SPEG: variants seen among roughly 807,000 people sequenced by gnomAD.
SPEG encodes the protein striated muscle preferentially expressed protein kinase.
SPEG carries 114 observed loss-of-function variants against 300.4 expected under a neutral mutation model. The observed-to-expected ratio is 0.38, with a 90% CI of 0.33 to 0.44. The LOEUF (loss-of-function observed/expected upper bound fraction) is 0.44, where lower values mean the gene tolerates loss of function less well. SPEG is among the 20% of genes least tolerant of loss of function. The probability of loss-of-function intolerance (pLI) is 1.00; values close to 1 mark genes in which losing one functional copy is unlikely to be tolerated. For missense variants in SPEG, 4,201 were observed against 4,586.2 expected (o/e 0.92, Z 2.43); for synonymous variants, 1,964 against 2,018.9 (o/e 0.97, Z 0.73).
intron 6 of SPEG, among the ~76,000 whole-genome samples, chr2:219,455,635 C>A (rs1288351726): frequency 6.6e-6 from 1 of 152,188 alleles, no homozygotes; most frequent in Non-Finnish European, 1.5e-5. Context: ...ATCCCACCCC[C>A]CTTTCCTGTT....
In SPEG at chr2:219,449,063, G is replaced by A. The variant is rs1172962709; in HGVS notation, c.1905G>A (p.Ala635=). ...APPGRKREPP[A]QAVRFLPWAT... is the part of the protein sequence containing the mutation. ...CCGGTCGGAAGCGGGAGCCCCCGGC[G>A]CAGGCCGTGCGCTTCCTGCCCTGGG... Residue 635 remains alanine, a synonymous_variant, in exon 4 of 41, where the codon GCG becomes GCA. Transcript: ENST00000312358. 1.3e-6 allele frequency: 2 copies of A among 1,517,812 alleles called. No individual in the cohort carries two copies. Among genetic ancestry groups the A allele is most frequent in the Admixed American group, 2.1e-5 (1 of 47,954 alleles). The allele number at this position is 1,517,812 out of a possible 1,614,324, so 94.0% of individuals were successfully genotyped here. A position where few individuals can be genotyped will look rare whatever the true frequency, so the allele number is the denominator to read the frequency against.
rs976578207 is a variant in SPEG, at chr2:219,493,235, G to A, written c.*449G>A. On this transcript the variant is annotated 3_prime_UTR_variant, in exon 41 of 41. Transcript: ENST00000312358. The stretch of plus-strand genomic sequence containing the variant: ...GAGTCAGTGTGGCAAAGCGGGGGCA[G>A]GACACAGATACAGTGGCAGGGGCCC... The A allele has an allele frequency of 2.7e-6, 1 of 366,254 alleles. No individual in the cohort carries two copies. The highest frequency in any genetic ancestry group is 5.4e-6 in the Non-Finnish European group (1 of 186,532). The allele number at this position is 366,254 out of a possible 1,614,324, so 22.7% of individuals were successfully genotyped here. A position where few individuals can be genotyped will look rare whatever the true frequency, so the allele number is the denominator to read the frequency against.
Position 219,473,753 on chromosome 2 carries a change from C to T in SPEG, c.4297C>T (p.Arg1433Trp), listed in dbSNP as rs565767040. 30 of 1,613,762 alleles carry T rather than the reference C, an allele frequency of 1.9e-5. No homozygotes were observed. The highest frequency in any genetic ancestry group is 1.6e-4 in the Middle Eastern group (1 of 6,062). The change falls in exon 18 of 41, where the codon CGG (arginine) becomes TGG (tryptophan). Residue 1433 changes from arginine to tryptophan, a missense_variant. Physicochemically the swap from Arg to Trp is moderately radical, Grantham distance 101. Transcript: ENST00000312358. The surrounding 1 kb of genome is among the most constrained non-coding windows in gnomAD (Gnocchi z 4.6). ...RSCRGALLEA[R>W]AGVYELSQPD... ...CTGCCGAGGGGCCCTCCTAGAGGCA[C>T]GGGCCGGTGTGTACGAGCTGAGCCA... is the stretch of plus-strand genomic sequence containing the variant.
chr2:219,488,235 C>T lies in SPEG; in HGVS notation c.7783C>T (p.Leu2595=), dbSNP rs759541411. 1 of 1,613,714 alleles carries T rather than the reference C, an allele frequency of 6.2e-7. No individual in the cohort carries two copies. The highest frequency in any genetic ancestry group is 8.5e-7 in the Non-Finnish European group (1 of 1,179,864). ...CCACATCAAACTCAAGGACCAGGTGCTGCTGGAGGGGGAGGCAGCCACCCT... is the reference window on the plus strand; with the variant it reads ...CCACATCAAACTCAAGGACCAGGTGTTGCTGGAGGGGGAGGCAGCCACCCT... ...VFHIKLKDQV[L]LEGEAATLLC... Residue 2595 remains leucine (L), a synonymous_variant, in exon 32 of 41, where the codon CTG becomes TTG. Transcript: ENST00000312358.
At position 219,484,758 on chromosome 2, in the gene SPEG, G is replaced by T. The variant is rs1321042570; in HGVS notation, c.7295G>T (p.Arg2432Leu). 1 of 1,461,886 alleles carries T rather than the reference G, an allele frequency of 6.8e-7. No individual in the cohort carries two copies. The highest frequency in any genetic ancestry group is 8.9e-7 in the Non-Finnish European group (1 of 1,118,918). The allele number at this position is 1,461,886 out of a possible 1,614,324, so 90.6% of individuals were successfully genotyped here. Residue 2432 changes from arginine to leucine, a missense_variant, in exon 30 of 41, where the codon CGC (arginine) becomes CTC (leucine). Around this residue, in one of 4 missense-constraint regions of SPEG, gnomAD observed 1,578 missense variants for 1,506.0 expected, o/e 1.05. Transcript: ENST00000312358. ...PAQRHPAWEA[R>L]GGDGESSEGG... Reference sequence around the variant, plus strand: ...CAGCGCCACCCGGCCTGGGAGGCCCGCGGCGGGGACGGAGAGAGCTCGGAG... The same window carrying T: ...CAGCGCCACCCGGCCTGGGAGGCCCTCGGCGGGGACGGAGAGAGCTCGGAG...
In SPEG at chr2:219,439,571, G is replaced by A. The variant is rs2125205727; in HGVS notation, c.388+4206G>A. On this transcript the variant is annotated intron_variant, in intron 1 of 40. Coordinates refer to ENST00000312358, the MANE Select transcript of SPEG (RefSeq NM_005876.5). The surrounding 1 kb of genome is among the most constrained non-coding windows in gnomAD (Gnocchi z 4.5). The stretch of plus-strand genomic sequence containing the variant: ...CTGGTTGGAGGGAAATGCTGGCAGT[G>A]CAGAAATTGGAAGTCTGGGTTTGGG... Among the ~76,000 whole-genome samples the A allele has an allele frequency of 6.6e-6, 1 of 152,234 alleles. No homozygotes were observed. Among genetic ancestry groups the A allele is most frequent in the African/African-American group, 2.4e-5 (1 of 41,520 alleles).
chr2:219,475,359 T>C (rs757964991), intron 18 of SPEG, among the ~76,000 whole-genome samples: 54 of 152,284 alleles, frequency 3.5e-4, no homozygotes, highest in Non-Finnish European at 7.5e-4. Flanking sequence ...CAAAAAACCA[T>C]TGAAGCTCAC....
At chr2:219,471,643 G>A in intron 13 of SPEG, 1 of 572,788 alleles carries the variant, frequency 1.7e-6, no homozygotes, top group South Asian at 2.0e-5. Flanking sequence ...CAGACCAGAG[G>A]GGCCAGGGCA....
chr2:219,460,428 A>G (rs1690565323), intron 6 of SPEG: 4 of 985,310 alleles, frequency 4.1e-6, no homozygotes, highest in Non-Finnish European at 4.8e-6. Context: ...TCCCACGGGC[A>G]CCTTCTTTGG....
chr2:219,453,365 G>A (rs936723114), intron 6 of SPEG, among the ~76,000 whole-genome samples: 3 of 152,368 alleles, frequency 2.0e-5, no homozygotes, highest in East Asian at 3.9e-4. Flanking sequence ...CCTCACGGAT[G>A]AAAGCGAATG....
rs766127884 is a variant in SPEG at position 219,485,044 on chromosome 2, C to T, written c.7581C>T (p.Ser2527=). ...ATTPSAESLG[S]EASATSGSSA... is the part of the protein sequence containing the mutation. ...CGCCTTCCGCCGAGTCCCTGGGCTCCGAGGCCAGCGCCACGTCGGGCTCCT... is the reference window on the plus strand; with the variant it reads ...CGCCTTCCGCCGAGTCCCTGGGCTCTGAGGCCAGCGCCACGTCGGGCTCCT... The change falls in exon 30 of 41, where the codon TCC becomes TCT. Residue 2527 remains serine, a synonymous_variant. Coordinates refer to ENST00000312358, the MANE Select transcript of SPEG (RefSeq NM_005876.5). The T allele has an allele frequency of 3.0e-5, 46 of 1,532,388 alleles. 1 individual carries two copies. The African/African-American group carries it at 4.4e-4, about 15-fold the overall frequency. 94.9% of individuals were successfully genotyped at this position (1,532,388 alleles called of 1,614,324 possible).
At chr2:219,485,244 T>C in intron 30 of SPEG, 102 bp from the exon 31 acceptor site, 1 of 1,504,520 alleles carries the variant, frequency 6.6e-7, no homozygotes. Context: ...CAGGGCTGGG[T>C]GGGCTAGGGG....
intron 1 of SPEG, chr2:219,437,216 G>C (rs1309390278): frequency 6.6e-6 from 1 of 152,336 alleles, no homozygotes; most frequent in South Asian, 2.1e-4. Context: ...AGGAAAGAGC[G>C]AGAGAGGGAG....
chr2:219,456,920 A>AAG (rs1197295174), intron 6 of SPEG, among the ~76,000 whole-genome samples: 2 of 51,186 alleles, frequency 3.9e-5, no homozygotes, highest in African/African-American at 7.5e-5. Context: ...AAAAAAAAAA[A>AAG]AAAAGAAAAG....
chr2:219,468,479 G>A (rs1691579620), intron 10 of SPEG, 99 bp from the exon 11 acceptor site: 2 of 1,388,310 alleles, frequency 1.4e-6, no homozygotes, highest in Non-Finnish European at 9.8e-7. Context: ...GCTCTGCCCA[G>A]GCTCCAGCTT....
At chr2:219,472,139 A>C in intron 14 of SPEG, 88 bp from the exon 15 acceptor site, 1 of 1,533,032 alleles carries the variant, frequency 6.5e-7, no homozygotes, top group South Asian at 1.2e-5. Flanking sequence ...CTGAGCCCCC[A>C]GGCCCTAGCC....
rs1443978088 is a variant in SPEG at position 219,479,459 on chromosome 2, C to T, written c.5085+258C>T. ...AACTGTTGTTTCCCACTCTTCATCA[C>T]ATAAACATCCCCCAAACATTTCTCC... On this transcript the variant is annotated intron_variant, in intron 23 of 40. Coordinates refer to ENST00000312358, the MANE Select transcript of SPEG (RefSeq NM_005876.5). This position sits in a 1 kb window ranked among gnomAD's most constrained non-coding sequence, Gnocchi z 5.5. Among the ~76,000 whole-genome samples, 2 of 152,230 alleles carry T rather than the reference C, an allele frequency of 1.3e-5. No individual in the cohort carries two copies. Among genetic ancestry groups the T allele is most frequent in the Admixed American group, 1.3e-4 (2 of 15,288 alleles).
intron 22 of SPEG, among the ~76,000 whole-genome samples, chr2:219,478,333 T>C (rs1692533942): frequency 6.6e-6 from 1 of 152,246 alleles, no homozygotes; most frequent in African/African-American, 2.4e-5. Context: ...GTTTTACAAA[T>C]ATTAACCTAT....
At position 219,484,414 on chromosome 2, in the gene SPEG, C is replaced by G; in HGVS notation, c.6951C>G (p.Gly2317=). 1 of 1,611,106 alleles carries G rather than the reference C, an allele frequency of 6.2e-7. No individual in the cohort carries two copies. The highest frequency in any genetic ancestry group is 8.5e-7 in the Non-Finnish European group (1 of 1,179,838). The change falls in exon 30 of 41, where the codon GGC becomes GGG. Residue 2317 remains glycine (G), a synonymous_variant. Coordinates refer to ENST00000312358, the MANE Select transcript of SPEG (RefSeq NM_005876.5). ...TTCCCACGGTGCCCCCCAGGCCAGG[C>G]AGCAGTCTCAGTAGCAGCATCGAAA... The part of the protein sequence containing the change: ...ARVPTVPPRP[G]SSLSSSIENL...
Sources: gnomAD v4.1 joint callset for allele counts (sites outside exome capture counted in the v4.1 genomes callset) on GRCh38, gnomAD v4.1.1 for gene constraint, gnomAD v4.1.1 regional missense constraint, Gnocchi (gnomAD v3.1) non-coding constraint, MANE v1.5 for transcripts, NCBI Gene and HGNC (gene_info 2026-07-23, HGNC 2026-07-21) for gene names.